Variants in NBEA observed in about 807,000 individuals in gnomAD.
The protein encoded by NBEA is neurobeachin.
NBEA carries 44 observed loss-of-function variants against 343.4 expected under a neutral mutation model. That is an observed-to-expected ratio of 0.13 (90% CI 0.10 to 0.16). NBEA has a LOEUF of 0.16. Ranked by LOEUF, NBEA falls within the 10% of genes least tolerant of loss-of-function variation. The pLI is 1.00. For missense variants in NBEA, 2,555 were observed against 3,631.3 expected (o/e 0.70, Z 7.62); for synonymous variants, 1,175 against 1,238.7 (o/e 0.95, Z 1.08).
chr13:35,068,318 T>G (rs74848171), intron 8 of NBEA, among the ~76,000 whole-genome samples: 1,760 of 152,266 alleles, frequency 0.012, 43 homozygotes, highest in African/African-American at 0.04. Context: ...CACAAAATGA[T>G]TTTAAATCTT....
intron 1 of NBEA, among the ~76,000 whole-genome samples, chr13:35,003,485 T>C (rs149785201): frequency 1.3e-5 from 2 of 152,294 alleles, no homozygotes; most frequent in East Asian, 3.9e-4. Context: ...AAACATGAAC[T>C]AGACAAATAG....
intron 10 of NBEA, among the ~76,000 whole-genome samples, chr13:35,084,605 C>T (rs1460150897): frequency 6.6e-6 from 1 of 152,132 alleles, no homozygotes; most frequent in African/African-American, 2.4e-5. Flanking sequence ...AAATTTATAG[C>T]ACTAAATGCC....
intron 44 of NBEA, among the ~76,000 whole-genome samples, chr13:35,558,390 C>T (rs1049100976): frequency 6.6e-6 from 1 of 151,808 alleles, no homozygotes; most frequent in Non-Finnish European, 1.5e-5. Context: ...AAAAAGCTTC[C>T]CATAGGTGAC....
intron 34 of NBEA, among the ~76,000 whole-genome samples, chr13:35,263,834 C>A (rs776647819): frequency 6.6e-6 from 1 of 151,750 alleles, no homozygotes; most frequent in African/African-American, 2.4e-5. Context: ...GAAGAAAGAT[C>A]TCACACAACC....
chr13:35,545,838 G>C (rs1241054215), intron 41 of NBEA, among the ~76,000 whole-genome samples: 2 of 152,148 alleles, frequency 1.3e-5, no homozygotes, highest in Non-Finnish European at 2.9e-5. Context: ...GAAACCAGCT[G>C]TATTTAGATT....
At chr13:35,087,498 G>C (rs1009629910) in intron 10 of NBEA, among the ~76,000 whole-genome samples, 20 of 151,758 alleles carry the variant, frequency 1.3e-4, no homozygotes. Context: ...CTTTTGGTCA[G>C]CAATGAATTT....
At chr13:35,590,985 A>G (rs1333524564) in intron 46 of NBEA, among the ~76,000 whole-genome samples, 1 of 152,096 alleles carries the variant, frequency 6.6e-6, no homozygotes, top group Non-Finnish European at 1.5e-5. Flanking sequence ...ATAAGGCCTT[A>G]GGAACTGGCA....
intron 17 of NBEA, among the ~76,000 whole-genome samples, chr13:35,136,656 C>T (rs1192910730): frequency 2.0e-5 from 3 of 152,194 alleles, no homozygotes; most frequent in Non-Finnish European, 4.4e-5. Flanking sequence ...TGGCTGGCCT[C>T]AGACTTCTCC....
At position 35,113,054 on chromosome 13, in the gene NBEA, T is replaced by A. The variant is rs1593385148; in HGVS notation, c.2002+2076T>A. 3.3e-5 allele frequency among the ~76,000 whole-genome samples: 5 copies of A among 152,302 alleles called. No homozygotes were observed. The South Asian group carries it at 1.0e-3, about 32-fold the overall frequency. On this transcript the variant is annotated intron_variant, in intron 13 of 58. Transcript: ENST00000379939. Reference sequence around the variant, plus strand: ...TCTGTTGAGGATCGTATGTTGTGCTTAGTTGCATTCTTACTTTTAATGTTC... The same window carrying A: ...TCTGTTGAGGATCGTATGTTGTGCTAAGTTGCATTCTTACTTTTAATGTTC...
intron 1 of NBEA, among the ~76,000 whole-genome samples, chr13:34,954,236 T>C (rs1053928078): frequency 6.6e-6 from 1 of 152,160 alleles, no homozygotes; most frequent in African/African-American, 2.4e-5. Context: ...TCTATGGATT[T>C]TGGTAACCAC....
intron 40 of NBEA, among the ~76,000 whole-genome samples, chr13:35,465,327 CCT>C (rs2075345178): frequency 1.3e-5 from 2 of 152,034 alleles, no homozygotes; most frequent in South Asian, 4.1e-4. Context: ...GATAATAACC[CCT>C]GTCTTCAATT....
intron 1 of NBEA, among the ~76,000 whole-genome samples, chr13:34,992,257 TA>T (rs1424596998): frequency 8.1e-4 from 110 of 136,582 alleles, no homozygotes; most frequent in African/African-American, 2.1e-3. Flanking sequence ...TATATATATA[TA>T]TATATTTTTT....
intron 17 of NBEA, among the ~76,000 whole-genome samples, chr13:35,125,453 T>C (rs1237180045): frequency 6.6e-6 from 1 of 152,232 alleles, no homozygotes; most frequent in Non-Finnish European, 1.5e-5. Flanking sequence ...AGCAGAGTTT[T>C]ATTTGAATCA....
intron 45 of NBEA, among the ~76,000 whole-genome samples, chr13:35,576,171 C>T (rs9600963): frequency 0.3 from 45,126 of 150,056 alleles, 8,353 homozygotes; most frequent in Middle Eastern, 0.48. Flanking sequence ...GGCTGGAGTG[C>T]GGTGGTGCAA....
intron 33 of NBEA, among the ~76,000 whole-genome samples, chr13:35,230,389 A>G (rs939454526): frequency 6.6e-6 from 1 of 152,142 alleles, no homozygotes; most frequent in Non-Finnish European, 1.5e-5. Context: ...CTTTAACTCA[A>G]TAATAGTACA....
chr13:35,082,619 A>G (rs1226279251), intron 10 of NBEA, among the ~76,000 whole-genome samples: 3 of 152,078 alleles, frequency 2.0e-5, no homozygotes, highest in Non-Finnish European at 2.9e-5. Context: ...TCTAACTGGT[A>G]TGAGATGGTG....
chr13:34,961,372 A>G (rs1275430492), intron 1 of NBEA, among the ~76,000 whole-genome samples: 1 of 152,042 alleles, frequency 6.6e-6, no homozygotes, highest in Non-Finnish European at 1.5e-5. Context: ...TTATTAAATT[A>G]TATCATTGTC....
At chr13:35,522,735 C>G (rs1198256160) in intron 41 of NBEA, among the ~76,000 whole-genome samples, 1 of 151,950 alleles carries the variant, frequency 6.6e-6, no homozygotes, top group Non-Finnish European at 1.5e-5. Context: ...CTCATAGGAT[C>G]GTGAACCCTA....
chr13:35,553,412 A>G (rs2079435071), intron 43 of NBEA, among the ~76,000 whole-genome samples: 1 of 152,044 alleles, frequency 6.6e-6, no homozygotes, highest in Non-Finnish European at 1.5e-5. Flanking sequence ...ACCAAGTGGC[A>G]ATGGGGAAAC....
Sources: gnomAD v4.1 joint callset for allele counts (sites outside exome capture counted in the v4.1 genomes callset) on GRCh38, gnomAD v4.1.1 for gene constraint, MANE v1.5 for transcripts, NCBI Gene and HGNC (gene_info 2026-07-23, HGNC 2026-07-21) for gene names.